The following PIBF1 variants were observed in gnomAD, a reference collection of about 807,000 sequenced individuals.
PIBF1 encodes the protein progesterone immunomodulatory binding factor 1.
In PIBF1, 90 loss-of-function variants were observed where a neutral mutation model predicts 112.5. The observed-to-expected ratio is 0.80, with a 90% CI of 0.67 to 0.95. The LOEUF (loss-of-function observed/expected upper bound fraction) is 0.95, where lower values mean the gene tolerates loss of function less well. Among genes scored for constraint, PIBF1 ranks in the 40% least tolerant of loss-of-function variants. The probability of loss-of-function intolerance (pLI) is 0.00; values close to 1 mark genes in which losing one functional copy is unlikely to be tolerated. For synonymous variants in PIBF1, 301 were observed against 288.6 expected, an observed-to-expected ratio of 1.04 and a Z score of -0.44; for missense variants, 915 against 852.3, an observed-to-expected ratio of 1.07 and a Z score of -0.92.
At chr13:72,840,503 C>T (rs1004082782) in intron 9 of PIBF1, among the ~76,000 whole-genome samples, 1 of 150,958 alleles carries the variant, frequency 6.6e-6, no homozygotes, top group Non-Finnish European at 1.5e-5. Flanking sequence ...TATTTGGTCT[C>T]CTTATCTCTC....
chr13:72,783,351 CTCTT>C, intron 1 of PIBF1, 68 bp from the exon 2 acceptor site: 1 of 695,536 alleles, frequency 1.4e-6, no homozygotes, highest in Non-Finnish European at 2.4e-6. Context: ...TCCTTAGTCT[CTCTT>C]TAATACAGTC....
At chr13:72,806,374 C>CT (rs397830007) in intron 5 of PIBF1, among the ~76,000 whole-genome samples, 40,341 of 146,566 alleles carry the variant, frequency 0.28, 6,377 homozygotes, top group East Asian at 0.47. Context: ...ACAGAATTTT[C>CT]TTTTTTTTTT....
intron 14 of PIBF1, among the ~76,000 whole-genome samples, chr13:72,951,498 T>C (rs2138856154): frequency 6.6e-6 from 1 of 152,234 alleles, no homozygotes; most frequent in East Asian, 1.9e-4. Context: ...AGATTGTGTC[T>C]TATAATATCT....
intron 11 of PIBF1, among the ~76,000 whole-genome samples, chr13:72,904,433 CTTTTTTTTT>C (rs71099767): frequency 4.1e-4 from 15 of 36,556 alleles, no homozygotes; most frequent in East Asian, 2.2e-3. Context: ...CAAAATATTT[CTTTTTTTTT>C]TTTTTTTTTT....
At chr13:72,849,587 A>G (rs1041697385) in intron 9 of PIBF1, among the ~76,000 whole-genome samples, 5 of 152,374 alleles carry the variant, frequency 3.3e-5, no homozygotes, top group East Asian at 1.9e-4. Context: ...ACTGTGGGCC[A>G]TAAAAGCTAA....
At chr13:72,818,073 TATATAC>T (rs2036373451) in intron 5 of PIBF1, among the ~76,000 whole-genome samples, 1 of 143,090 alleles carries the variant, frequency 7.0e-6, no homozygotes, top group Non-Finnish European at 1.6e-5. Context: ...TATATACATA[TATATAC>T]ACTATGTATA....
intron 5 of PIBF1, among the ~76,000 whole-genome samples, chr13:72,818,618 C>T (rs192957218): frequency 2.1e-5 from 3 of 143,758 alleles, no homozygotes; most frequent in Non-Finnish European, 4.5e-5. Context: ...TAATTTGTTT[C>T]TTTATCAATC....
At chr13:72,873,625 T>G (rs2039258491) in intron 10 of PIBF1, among the ~76,000 whole-genome samples, 1 of 152,026 alleles carries the variant, frequency 6.6e-6, no homozygotes, top group African/African-American at 2.4e-5. Context: ...TGGTCTGACC[T>G]CAGGCACTCC....
At chr13:72,837,371 C>T (rs1477229958) in intron 9 of PIBF1, among the ~76,000 whole-genome samples, 1 of 152,022 alleles carries the variant, frequency 6.6e-6, no homozygotes, top group Non-Finnish European at 1.5e-5. Context: ...CCTAAGCTAG[C>T]CTTCATATGT....
chr13:72,980,019 T>A (rs1423541782), intron 16 of PIBF1, among the ~76,000 whole-genome samples: 1 of 152,110 alleles, frequency 6.6e-6, no homozygotes, highest in East Asian at 1.9e-4. Context: ...TGAGAATTGA[T>A]GCCTAGGTTT....
chr13:73,016,008 C>A lies in PIBF1; in HGVS notation c.*89C>A. The stretch of plus-strand genomic sequence containing the variant: ...ACAAAATTCAGCTTAATCGTGTACT[C>A]AGCATTTTTTAAATAACAATGTTTA... On this transcript the variant is annotated 3_prime_UTR_variant, in exon 18 of 18. Coordinates refer to ENST00000326291, the MANE Select transcript of PIBF1 (RefSeq NM_006346.4). The A allele has an allele frequency of 1.7e-6, 1 of 593,478 alleles. No individual in the cohort carries two copies. The highest frequency in any genetic ancestry group is 3.1e-5 in the East Asian group (1 of 32,092). 36.8% of individuals were successfully genotyped at this position (593,478 alleles called of 1,614,324 possible).
Position 73,016,104 on chromosome 13 carries a change from T to G in PIBF1, c.*185T>G. ...TAAAGAACAATCAATATACTTTATT[T>G]TTTTTTCTATTTTATAAAATAAATA... On this transcript the variant is annotated 3_prime_UTR_variant, in exon 18 of 18. Transcript: ENST00000326291. The G allele has an allele frequency of 4.1e-6, 1 of 244,296 alleles. No individual in the cohort carries two copies. The highest frequency in any genetic ancestry group is 7.7e-6 in the Non-Finnish European group (1 of 129,896). 15.1% of individuals were successfully genotyped at this position (244,296 alleles called of 1,614,324 possible). A position where few individuals can be genotyped will look rare whatever the true frequency, so the allele number is the denominator to read the frequency against.
At chr13:72,860,313 GTGTGT>G (rs1327843083) in intron 10 of PIBF1, among the ~76,000 whole-genome samples, 1 of 12,466 alleles carries the variant, frequency 8.0e-5, no homozygotes, top group African/African-American at 5.4e-4. Flanking sequence ...TTAGGGGTGT[GTGTGT>G]GTGTGTGTGT....
chr13:72,876,727 C>G (rs868588439), intron 10 of PIBF1, among the ~76,000 whole-genome samples: 1 of 152,072 alleles, frequency 6.6e-6, no homozygotes, highest in African/African-American at 2.4e-5. Flanking sequence ...TCCACTTGTT[C>G]CATGCAGATA....
chr13:72,883,544 T>A (rs2039726483), intron 10 of PIBF1, among the ~76,000 whole-genome samples: 1 of 152,172 alleles, frequency 6.6e-6, no homozygotes, highest in Admixed American at 6.5e-5. Flanking sequence ...TGGAGTGTAG[T>A]GACATGATCT....
At chr13:72,840,245 G>A (rs2037546558) in intron 9 of PIBF1, among the ~76,000 whole-genome samples, 1 of 152,094 alleles carries the variant, frequency 6.6e-6, no homozygotes, top group South Asian at 2.1e-4. Flanking sequence ...ACAGTAAAAA[G>A]TAAATTATAA....
At chr13:72,946,860 A>G (rs1412195645) in intron 14 of PIBF1, among the ~76,000 whole-genome samples, 1 of 152,218 alleles carries the variant, frequency 6.6e-6, no homozygotes, top group East Asian at 1.9e-4. Context: ...TGCATGGTTC[A>G]GCCCTGCTCC....
intron 11 of PIBF1, among the ~76,000 whole-genome samples, chr13:72,897,551 A>T (rs2040327297): frequency 6.6e-6 from 1 of 152,204 alleles, no homozygotes; most frequent in Non-Finnish European, 1.5e-5. Flanking sequence ...CTTGCAAACT[A>T]ACCATCTGCT....
At chr13:72,792,890 A>G (rs372735410) in intron 3 of PIBF1, among the ~76,000 whole-genome samples, 141 of 152,344 alleles carry the variant, frequency 9.3e-4, no homozygotes, top group Non-Finnish European at 1.6e-3. Context: ...AGTACTTTCT[A>G]TTATTCCTGT....
Sources: allele counts gnomAD v4.1 joint callset (sites outside exome capture counted in the v4.1 genomes callset), GRCh38; gene constraint gnomAD v4.1.1; transcripts MANE v1.5; gene names NCBI Gene and HGNC (gene_info 2026-07-23, HGNC 2026-07-21).